Variants in ALPK2 observed in about 807,000 individuals in gnomAD.
ALPK2 encodes alpha kinase 2.
Under a neutral mutation model 163.1 loss-of-function variants are expected in ALPK2, and 127 were observed. The observed-to-expected ratio is 0.78, with a 90% CI of 0.67 to 0.90. The LOEUF is 0.90. ALPK2 is among the 40% of genes least tolerant of loss of function. ALPK2 has a pLI of 0.00. For synonymous variants in ALPK2, 953 were observed against 959.1 expected (o/e 0.99, Z 0.12); for missense variants, 2,360 against 2,589.6 (o/e 0.91, Z 1.92).
chr18:58,535,144 C>T lies in ALPK2; in HGVS notation c.5043G>A (p.Ala1681=), dbSNP rs752183541. 12 of 1,613,946 alleles carry T rather than the reference C, an allele frequency of 7.4e-6. No individual in the cohort carries two copies. Among genetic ancestry groups the T allele is most frequent in the East Asian group, 2.2e-5 (1 of 44,880 alleles). ...ACTTCTCTCTCTCCCTGGACTTTTT[C>T]GCACAGCCCAGGGTGCCCTTTTGAC... The part of the protein sequence containing the change: ...DPCQKGTLGC[A]KKSREREKSL... Residue 1681 remains alanine, a synonymous_variant, in exon 5 of 13, where the codon GCG becomes GCA. Transcript: ENST00000361673.
intron 10 of ALPK2, among the ~76,000 whole-genome samples, chr18:58,512,910 TGTATGTGTGATGTGTGGG>T (rs1231764540): frequency 6.2e-5 from 8 of 129,508 alleles, no homozygotes; most frequent in South Asian, 2.5e-4. Flanking sequence ...ATGTGTGTGG[TGTATGTGTGATGTGTGGG>T]GTGTGTGGGG....
At position 58,579,274 on chromosome 18, in the gene ALPK2, C is replaced by G. The variant is rs1471058607; in HGVS notation, c.1502G>C (p.Gly501Ala). 1.2e-6 allele frequency: 2 copies of G among 1,614,166 alleles called. No homozygotes were observed. The highest frequency in any genetic ancestry group is 1.7e-5 in the Admixed American group (1 of 60,028). Reference sequence around the variant, plus strand: ...GCTCATCCCTGAGTTTTCTGACTCACCAGACAAGAGCTTCATCTCTGTCTC... The same window carrying G: ...GCTCATCCCTGAGTTTTCTGACTCAGCAGACAAGAGCTTCATCTCTGTCTC... ...VRETEMKLLS[G>A]ESENSGMSQC... Residue 501 changes from glycine (G) to alanine (A), a missense_variant, in exon 4 of 13, where the codon GGT (glycine) becomes GCT (alanine). Gly to Ala is a moderately conservative substitution (Grantham distance 60). Coordinates refer to ENST00000361673, the MANE Select transcript of ALPK2 (RefSeq NM_052947.4).
Position 58,618,921 on chromosome 18 carries a change from G to A in ALPK2, c.-20-7104C>T, listed in dbSNP as rs76664407. On this transcript the variant is annotated intron_variant, in intron 1 of 12. Coordinates refer to ENST00000361673, the MANE Select transcript of ALPK2 (RefSeq NM_052947.4). Reference sequence around the variant, plus strand: ...GCTCACAAGCAGACCACAGGTAACCGGCTCTTGTGGAGCTGGCAGGAAAGC... The same window carrying A: ...GCTCACAAGCAGACCACAGGTAACCAGCTCTTGTGGAGCTGGCAGGAAAGC... 3.1e-4 allele frequency among the ~76,000 whole-genome samples: 47 copies of A among 152,300 alleles called. No individual in the cohort carries two copies. The East Asian group carries it at 7.1e-3, about 23-fold the overall frequency.
chr18:58,550,645 C>T (rs1568082680), intron 4 of ALPK2, among the ~76,000 whole-genome samples: 9 of 152,056 alleles, frequency 5.9e-5, no homozygotes, highest in African/African-American at 7.2e-5. Context: ...CACGTACAAC[C>T]CCATCCCCGT....
intron 4 of ALPK2, among the ~76,000 whole-genome samples, chr18:58,568,388 G>A (rs1384951148): frequency 6.6e-6 from 1 of 152,144 alleles, no homozygotes; most frequent in Non-Finnish European, 1.5e-5. Flanking sequence ...ATAGCCTTTA[G>A]CTCTCTGCAG....
At chr18:58,488,183 T>G (rs2051350268) in intron 12 of ALPK2, among the ~76,000 whole-genome samples, 1 of 152,152 alleles carries the variant, frequency 6.6e-6, no homozygotes, top group Non-Finnish European at 1.5e-5. Context: ...TATCTTATGT[T>G]TATGAAGTTA....
chr18:58,602,477 C>T (rs1304017608), intron 3 of ALPK2, among the ~76,000 whole-genome samples: 1 of 152,214 alleles, frequency 6.6e-6, no homozygotes, highest in Non-Finnish European at 1.5e-5. Context: ...CCCTTCCTAG[C>T]CTTTGGTGGC....
rs71173065 is a variant in ALPK2, at chr18:58,578,733, G to GACACACACACACACACACACACAC, written c.1962+57_1962+80dup. Reference sequence around the variant, plus strand: ...ATTGTGAATGTGAAGTAAAGGAAGAGACACACACACACACACACACACACA... The same window carrying GACACACACACACACACACACACAC: ...ATTGTGAATGTGAAGTAAAGGAAGAGACACACACACACACACACACACACACACACACACACACACACACACACA... On this transcript the variant is annotated intron_variant, in intron 4 of 12. Transcript: ENST00000361673. The GACACACACACACACACACACACAC allele has an allele frequency of 8.8e-3, 4,666 of 532,428 alleles. 102 individuals carry two copies. Among genetic ancestry groups the GACACACACACACACACACACACAC allele is most frequent in the South Asian group, 0.016 (579 of 35,884 alleles). The allele number at this position is 532,428 out of a possible 1,614,324, so 33.0% of individuals were successfully genotyped here.
intron 3 of ALPK2, among the ~76,000 whole-genome samples, chr18:58,581,158 T>C (rs2051957235): frequency 1.3e-5 from 2 of 152,364 alleles, no homozygotes; most frequent in Non-Finnish European, 2.9e-5. Context: ...ACATCATTTT[T>C]ATGTTACGGG....
At chr18:58,499,503 C>T (rs2051420581) in intron 11 of ALPK2, among the ~76,000 whole-genome samples, 1 of 152,170 alleles carries the variant, frequency 6.6e-6, no homozygotes, top group Admixed American at 6.5e-5. Flanking sequence ...AGTGTGGATT[C>T]CCTCTTGACC....
rs1367118294 is a variant in ALPK2 at position 58,537,804 on chromosome 18, G to C, written c.2383C>G (p.Pro795Ala). The change falls in exon 5 of 13, where the codon CCA becomes GCA. Residue 795 changes from proline (P) to alanine (A), a missense_variant. By Grantham distance (27) the Pro-to-Ala change is conservative (BLOSUM62 -1). Coordinates refer to ENST00000361673, the MANE Select transcript of ALPK2 (RefSeq NM_052947.4). ...GCACACACTGCTTCTCTGTCCCTTG[G>C]CTCATCACACACATTTTCCAGGGTG... ...ALTLENVCDE[P>A]RDREAVCAME... 6.2e-7 allele frequency: 1 copy of C among 1,613,992 alleles called. No homozygotes were observed. The highest frequency in any genetic ancestry group is 8.5e-7 in the Non-Finnish European group (1 of 1,180,014).
intron 4 of ALPK2, among the ~76,000 whole-genome samples, chr18:58,550,525 CATCACCTACAATCCCATCCCCATCTCT>C (rs2051750793): frequency 3.3e-4 from 4 of 12,168 alleles, no homozygotes; most frequent in African/African-American, 1.1e-3. Context: ...TCCCCATCTC[CATCACCTACAATCCCATCCCCATCTCT>C]ATCATATATG....
intron 12 of ALPK2, among the ~76,000 whole-genome samples, chr18:58,492,891 G>A (rs2051382382): frequency 6.6e-6 from 1 of 152,162 alleles, no homozygotes; most frequent in Admixed American, 6.5e-5. Context: ...TGTTGGGCCT[G>A]GGAGACTCCC....
At chr18:58,528,199 C>T (rs186199113) in intron 6 of ALPK2, among the ~76,000 whole-genome samples, 48 of 152,302 alleles carry the variant, frequency 3.2e-4, no homozygotes, top group African/African-American at 8.4e-4. Context: ...ATGATTCTCA[C>T]GCTCATCTCT....
intron 4 of ALPK2, among the ~76,000 whole-genome samples, chr18:58,575,861 A>T (rs1319379861): frequency 1.3e-5 from 2 of 152,226 alleles, no homozygotes; most frequent in Admixed American, 6.5e-5. Flanking sequence ...ATTCTAAAAG[A>T]GAGAAAGGGA....
rs908767543 is a variant in ALPK2 at position 58,616,975 on chromosome 18, G to A, written c.-20-5158C>T. Among the ~76,000 whole-genome samples the A allele has an allele frequency of 4.6e-5, 7 of 152,248 alleles. No homozygotes were observed. The South Asian group carries it at 1.5e-3, about 32-fold the overall frequency. On this transcript the variant is annotated intron_variant, in intron 1 of 12. Coordinates refer to ENST00000361673, the MANE Select transcript of ALPK2 (RefSeq NM_052947.4). Reference sequence around the variant, plus strand: ...CTGTGGGATCTGACACTATCTCCAGGTGGACAGAGTCAGAACTGAAGCCGA... The same window carrying A: ...CTGTGGGATCTGACACTATCTCCAGATGGACAGAGTCAGAACTGAAGCCGA...
chr18:58,587,622 C>A lies in ALPK2; in HGVS notation c.228-7074G>T, dbSNP rs142709608. Among the ~76,000 whole-genome samples, 18 of 152,158 alleles carry A rather than the reference C, an allele frequency of 1.2e-4. No homozygotes were observed. In the East Asian group the frequency reaches 2.3e-3, roughly 20 times the overall value. ...CTGAAATAAAAAATTCACAAAAGGG[C>A]TCTACAGCAGATTTGGGCAGATGGA... On this transcript the variant is annotated intron_variant, in intron 3 of 12. Coordinates refer to ENST00000361673, the MANE Select transcript of ALPK2 (RefSeq NM_052947.4).
At chr18:58,493,949 C>G (rs2051388234) in intron 12 of ALPK2, among the ~76,000 whole-genome samples, 1 of 152,148 alleles carries the variant, frequency 6.6e-6, no homozygotes, top group Admixed American at 6.5e-5. Context: ...TTAGGGGAGA[C>G]TACAAAGGGC....
intron 8 of ALPK2, among the ~76,000 whole-genome samples, chr18:58,522,174 G>T (rs1299024056): frequency 1.3e-5 from 2 of 152,170 alleles, no homozygotes; most frequent in African/African-American, 4.8e-5. Flanking sequence ...CATGGGGTGA[G>T]GCTGGACCAC....
Sources: allele counts gnomAD v4.1 joint callset (sites outside exome capture counted in the v4.1 genomes callset), GRCh38; gene constraint gnomAD v4.1.1; transcripts MANE v1.5; gene names NCBI Gene and HGNC (gene_info 2026-07-23, HGNC 2026-07-21).